The following NRG3 variants were observed in gnomAD, a reference collection of about 807,000 sequenced individuals.
NRG3 encodes neuregulin 3.
Under a neutral mutation model 66.9 loss-of-function variants are expected in NRG3, and 31 were observed. The ratio of observed to expected loss-of-function variants is 0.46; its 90% CI spans 0.35 to 0.63. NRG3 has a LOEUF of 0.63. Ranked by LOEUF, NRG3 falls within the 20% of genes least tolerant of loss-of-function variation. The pLI is 0.00. For missense variants in NRG3, 910 were observed against 878.9 expected, an observed-to-expected ratio of 1.04 and a Z score of -0.45; for synonymous variants, 393 against 359.4, an observed-to-expected ratio of 1.09 and a Z score of -1.06.
chr10:82,248,815 G>C (rs1247776337), intron 1 of NRG3, among the ~76,000 whole-genome samples: 1 of 152,136 alleles, frequency 6.6e-6, no homozygotes, highest in East Asian at 1.9e-4. Context: ...TTACTAAGCT[G>C]TTTCATATTC....
chr10:82,279,142 C>T (rs1036474017), intron 1 of NRG3, among the ~76,000 whole-genome samples: 3 of 152,080 alleles, frequency 2.0e-5, no homozygotes, highest in African/African-American at 7.2e-5. Flanking sequence ...AGTCATTTCA[C>T]AGGAAGAAAT....
At chr10:82,195,189 G>A (rs931330235) in intron 1 of NRG3, among the ~76,000 whole-genome samples, 6 of 152,112 alleles carry the variant, frequency 3.9e-5, no homozygotes, top group Admixed American at 6.5e-5. Flanking sequence ...AGGCAAAATG[G>A]TATTCTGAGC....
intron 2 of NRG3, among the ~76,000 whole-genome samples, chr10:82,647,843 A>G (rs1026846425): frequency 4.0e-5 from 6 of 149,342 alleles, no homozygotes; most frequent in Non-Finnish European, 7.4e-5. Context: ...CCACTTTTTG[A>G]TGGGGTTGTT....
At chr10:82,734,193 T>C (rs1168265734) in intron 2 of NRG3, among the ~76,000 whole-genome samples, 4 of 152,178 alleles carry the variant, frequency 2.6e-5, no homozygotes, top group African/African-American at 7.2e-5. Context: ...CTTTTAAAAC[T>C]CTTTACTTAA....
At chr10:82,284,434 C>T (rs1312022754) in intron 1 of NRG3, among the ~76,000 whole-genome samples, 1 of 152,160 alleles carries the variant, frequency 6.6e-6, no homozygotes, top group African/African-American at 2.4e-5. Flanking sequence ...TGATGTCATC[C>T]CCATGGGTTA....
chr10:82,489,998 T>C (rs1220139618), intron 2 of NRG3, among the ~76,000 whole-genome samples: 1 of 152,184 alleles, frequency 6.6e-6, no homozygotes, highest in Non-Finnish European at 1.5e-5. Flanking sequence ...ACAGAGAAGA[T>C]GAATGATTTC....
chr10:82,643,724 G>T (rs1280683163), intron 2 of NRG3, among the ~76,000 whole-genome samples: 3 of 151,870 alleles, frequency 2.0e-5, no homozygotes, highest in Non-Finnish European at 4.4e-5. Flanking sequence ...ATTGTGAAAT[G>T]ACCCTGTTGC....
chr10:82,861,701 T>G (rs1344526006), intron 3 of NRG3, among the ~76,000 whole-genome samples: 1 of 152,206 alleles, frequency 6.6e-6, no homozygotes, highest in East Asian at 1.9e-4. Flanking sequence ...CAGCCAATTC[T>G]GAGCCATCTC....
rs528392751 is a variant in NRG3, at chr10:82,178,919, A to G, written c.824-179820A>G. On this transcript the variant is annotated intron_variant, in intron 1 of 8. Transcript: ENST00000372141. The stretch of plus-strand genomic sequence containing the variant: ...TGTTTTTCTTTATCTTTGTAAATAA[A>G]TATAATGGCCATACCAACAGGTATG... Among the ~76,000 whole-genome samples the G allele has an allele frequency of 1.9e-4, 29 of 152,160 alleles. No individual in the cohort carries two copies. In the East Asian group the frequency reaches 5.6e-3, roughly 29 times the overall value.
chr10:82,815,918 C>T (rs1364117718), intron 3 of NRG3, among the ~76,000 whole-genome samples: 3 of 152,200 alleles, frequency 2.0e-5, no homozygotes, highest in African/African-American at 7.2e-5. Flanking sequence ...GGGCAGGCAG[C>T]TCCAGGCGCT....
At chr10:82,588,962 T>C (rs1333491721) in intron 2 of NRG3, among the ~76,000 whole-genome samples, 1 of 152,140 alleles carries the variant, frequency 6.6e-6, no homozygotes, top group African/African-American at 2.4e-5. Context: ...TCATATTTGG[T>C]TATATTAGCC....
intron 5 of NRG3, among the ~76,000 whole-genome samples, chr10:82,954,064 A>T (rs4474379): frequency 6.6e-6 from 1 of 151,520 alleles, no homozygotes; most frequent in African/African-American, 2.4e-5. Flanking sequence ...GGTTTTCCAC[A>T]CTAGAACTTG....
intron 2 of NRG3, among the ~76,000 whole-genome samples, chr10:82,600,999 G>A (rs1366908915): frequency 6.6e-6 from 1 of 152,014 alleles, no homozygotes; most frequent in Non-Finnish European, 1.5e-5. Flanking sequence ...TTATGTCCAT[G>A]TGTACCCAAA....
At chr10:82,132,600 G>A (rs1013821957) in intron 1 of NRG3, among the ~76,000 whole-genome samples, 20 of 135,098 alleles carry the variant, frequency 1.5e-4, no homozygotes, top group Non-Finnish European at 2.9e-4. Flanking sequence ...AAGTTTGGAA[G>A]TATTTCCTCC....
chr10:82,348,246 C>G (rs1334363391), intron 1 of NRG3, among the ~76,000 whole-genome samples: 3 of 152,118 alleles, frequency 2.0e-5, no homozygotes, highest in African/African-American at 7.2e-5. Context: ...TTCAACAGCT[C>G]TTTTAGGGCA....
chr10:82,446,555 T>C (rs1185202914), intron 2 of NRG3, among the ~76,000 whole-genome samples: 1 of 152,144 alleles, frequency 6.6e-6, no homozygotes, highest in Non-Finnish European at 1.5e-5. Flanking sequence ...AAACACCACA[T>C]GTTCTCACTT....
chr10:82,838,609 G>T (rs2062895126), intron 3 of NRG3, among the ~76,000 whole-genome samples: 1 of 151,882 alleles, frequency 6.6e-6, no homozygotes, highest in Non-Finnish European at 1.5e-5. Context: ...TTGTGAATTT[G>T]TTCTTTATAT....
chr10:82,535,994 C>G (rs1031228059), intron 2 of NRG3, among the ~76,000 whole-genome samples: 1 of 150,852 alleles, frequency 6.6e-6, no homozygotes, highest in Non-Finnish European at 1.5e-5. Flanking sequence ...CCTGGACAAT[C>G]CTTAAGCTGA....
At chr10:82,759,346 A>G (rs1046976222) in intron 3 of NRG3, among the ~76,000 whole-genome samples, 4 of 152,008 alleles carry the variant, frequency 2.6e-5, no homozygotes, top group African/African-American at 9.7e-5. Context: ...TTGTTAGCCA[A>G]ATAAACCTCT....
Sources: gnomAD v4.1 joint callset for allele counts (sites outside exome capture counted in the v4.1 genomes callset) on GRCh38, gnomAD v4.1.1 for gene constraint, MANE v1.5 for transcripts, NCBI Gene and HGNC (gene_info 2026-07-23, HGNC 2026-07-21) for gene names.